Variants in ADAMTS9 observed in about 807,000 individuals in gnomAD.
ADAMTS9 encodes the protein A disintegrin and metalloproteinase with thrombospondin motifs 9.
A neutral mutation model predicts 257.1 loss-of-function variants in ADAMTS9; 107 were observed. The observed-to-expected ratio is 0.42, with a 90% confidence interval of 0.36 to 0.49. The LOEUF (loss-of-function observed/expected upper bound fraction) is 0.49, where lower values mean the gene tolerates loss of function less well. Ranked by LOEUF, ADAMTS9 falls within the 20% of genes least tolerant of loss-of-function variation. ADAMTS9 has a pLI of 0.03. For missense variants in ADAMTS9, 2,353 were observed against 2,469.1 expected, an observed-to-expected ratio of 0.95 and a Z score of 1.00; for synonymous variants, 982 against 880.9, an observed-to-expected ratio of 1.11 and a Z score of -2.03.
chr3:64,547,278 A>G (rs1344039991), intron 31 of ADAMTS9, among the ~76,000 whole-genome samples: 1 of 152,118 alleles, frequency 6.6e-6, no homozygotes, highest in Non-Finnish European at 1.5e-5. Flanking sequence ...TTGCATCTTC[A>G]GCCCAACTGC....
intron 29 of ADAMTS9, among the ~76,000 whole-genome samples, chr3:64,566,289 A>G (rs925298158): frequency 2.0e-5 from 3 of 152,166 alleles, no homozygotes; most frequent in African/African-American, 7.2e-5. Context: ...TTTCAGGTAC[A>G]CTTCTAAATT....
At chr3:64,618,720 T>A (rs1357688744) in intron 19 of ADAMTS9, among the ~76,000 whole-genome samples, 2 of 152,166 alleles carry the variant, frequency 1.3e-5, no homozygotes, top group Non-Finnish European at 2.9e-5. Context: ...TATAATTTAT[T>A]ATTATTATTA....
intron 11 of ADAMTS9, among the ~76,000 whole-genome samples, chr3:64,644,076 T>C (rs1026634770): frequency 2.0e-5 from 3 of 152,188 alleles, no homozygotes; most frequent in African/African-American, 7.2e-5. Flanking sequence ...TGGGACAAAG[T>C]ATGTAACATA....
At chr3:64,608,224 C>T (rs1330714673) in intron 22 of ADAMTS9, among the ~76,000 whole-genome samples, 1 of 119,906 alleles carries the variant, frequency 8.3e-6, no homozygotes, top group Non-Finnish European at 1.7e-5. Context: ...ACTTTACTTC[C>T]TAAGGAACTA....
At chr3:64,601,873 T>C (rs1559786247) in intron 26 of ADAMTS9, 71 bp downstream of exon 26, 4 of 1,503,576 alleles carry the variant, frequency 2.7e-6, no homozygotes. Context: ...TCTAAAGGTG[T>C]TTCTAGTCTC....
chr3:64,530,017 T>C (rs2082957533), intron 38 of ADAMTS9, among the ~76,000 whole-genome samples: 1 of 106,902 alleles, frequency 9.4e-6, no homozygotes, highest in Non-Finnish European at 1.9e-5. Context: ...AGAGATTGGG[T>C]CTCCCTGTGT....
chr3:64,614,666 G>A (rs2084727284), intron 21 of ADAMTS9, among the ~76,000 whole-genome samples: 1 of 152,132 alleles, frequency 6.6e-6, no homozygotes, highest in African/African-American at 2.4e-5. Flanking sequence ...ACTGGGCTGT[G>A]TTAATAGTGA....
At position 64,594,438 on chromosome 3, in the gene ADAMTS9, G is replaced by C. The variant is rs983251768; in HGVS notation, c.4180-4C>G. The C allele has an allele frequency of 3.1e-6, 5 of 1,607,180 alleles. No individual in the cohort carries two copies. The African/African-American group carries it at 6.7e-5, about 22-fold the overall frequency. On this transcript the variant is annotated splice_region_variant and splice_polypyrimidine_tract_variant and intron_variant, in intron 27 of 39. Transcript: ENST00000498707. ...CTCCACCACACAGCTTAGTGCACTG[G>C]AAGAAGGAAAAGGAAGGCTGCAGTT...
rs1559741950 is a variant in ADAMTS9 at position 64,517,424 on chromosome 3, T to TG, written c.*6-304_*6-303insC. On this transcript the variant is annotated intron_variant, in intron 39 of 39. Coordinates refer to ENST00000498707, the MANE Select transcript of ADAMTS9 (RefSeq NM_182920.2). ...CCAGCTAATTAAAAATGGTTTTTTT[T>TG]TTTTTTTTTTTTTTTGCAGAAATGG... 8.9e-5 allele frequency among the ~76,000 whole-genome samples: 11 copies of TG among 123,276 alleles called. 1 individual carries two copies. Among genetic ancestry groups the TG allele is most frequent in the African/African-American group, 3.3e-4 (11 of 33,240 alleles). 80.9% of individuals were successfully genotyped at this position (123,276 alleles called of 152,430 possible).
intron 26 of ADAMTS9, among the ~76,000 whole-genome samples, chr3:64,599,477 C>T (rs574415087): frequency 2.0e-5 from 3 of 152,226 alleles, no homozygotes; most frequent in South Asian, 4.2e-4. Context: ...TTTTTTTCTA[C>T]CTGCTCAAAT....
intron 19 of ADAMTS9, among the ~76,000 whole-genome samples, chr3:64,619,121 T>C (rs1700041104): frequency 6.6e-6 from 1 of 152,190 alleles, no homozygotes; most frequent in Non-Finnish European, 1.5e-5. Flanking sequence ...CACATTCTAT[T>C]ATTCGCAATG....
chr3:64,645,143 A>G (rs1338020792), intron 11 of ADAMTS9, among the ~76,000 whole-genome samples: 1 of 152,240 alleles, frequency 6.6e-6, no homozygotes, highest in Non-Finnish European at 1.5e-5. Flanking sequence ...CTATTACATT[A>G]TAACAAAACA....
At chr3:64,622,676 C>T (rs540685990) in intron 16 of ADAMTS9, 90 bp from the exon 17 acceptor site, 81 of 1,416,188 alleles carry the variant, frequency 5.7e-5, no homozygotes, top group African/African-American at 7.0e-5. Flanking sequence ...GGTAGAGAGT[C>T]GCTGTGCACG....
chr3:64,564,060 T>C (rs1253775914), intron 29 of ADAMTS9, among the ~76,000 whole-genome samples: 2 of 152,230 alleles, frequency 1.3e-5, no homozygotes, highest in Non-Finnish European at 2.9e-5. Context: ...TATGTGTGTG[T>C]AAATCCAAGT....
At chr3:64,594,504 A>C in intron 27 of ADAMTS9, 70 bp from the exon 28 acceptor site, 3 of 1,565,946 alleles carry the variant, frequency 1.9e-6, no homozygotes, top group South Asian at 2.4e-5. Flanking sequence ...CTTTCTCCCT[A>C]ATTTCTTAGC....
chr3:64,588,891 C>T (rs1013005770), intron 28 of ADAMTS9: 1 of 152,128 alleles, frequency 6.6e-6, no homozygotes, highest in African/African-American at 2.4e-5. Context: ...GAGATGAGTG[C>T]TACACAGAAC....
At chr3:64,635,895 G>A (rs1209551778) in intron 12 of ADAMTS9, among the ~76,000 whole-genome samples, 2 of 152,094 alleles carry the variant, frequency 1.3e-5, no homozygotes, top group South Asian at 2.1e-4. Flanking sequence ...GATCAGGACT[G>A]TATACCTGCT....
At chr3:64,624,033 G>A (rs1700169144) in intron 16 of ADAMTS9, among the ~76,000 whole-genome samples, 2 of 151,330 alleles carry the variant, frequency 1.3e-5, no homozygotes, top group African/African-American at 4.9e-5. Flanking sequence ...ACCCATAGAA[G>A]CAGAGGGTAG....
At chr3:64,621,316 GCATTT>G (rs1700098290) in intron 18 of ADAMTS9, 76 bp from the exon 19 acceptor site, 3 of 1,477,566 alleles carry the variant, frequency 2.0e-6, no homozygotes, top group Admixed American at 2.1e-5. Context: ...GGATTGGCAA[GCATTT>G]TCTCTAAAGA....
Sources: gnomAD v4.1 joint callset for allele counts (sites outside exome capture counted in the v4.1 genomes callset) on GRCh38, gnomAD v4.1.1 for gene constraint, MANE v1.5 for transcripts, NCBI Gene and HGNC (gene_info 2026-07-23, HGNC 2026-07-21) for gene names.